Variants in CPXM2 observed in about 807,000 individuals in gnomAD.
CPXM2 encodes the protein inactive carboxypeptidase-like protein X2.
A neutral mutation model predicts 86.1 loss-of-function variants in CPXM2; 66 were observed. The observed-to-expected ratio is 0.77, with a 90% CI of 0.63 to 0.94. CPXM2 has a LOEUF of 0.94. CPXM2 is among the 40% of genes least tolerant of loss of function. The pLI is 0.00. For synonymous variants in CPXM2, 388 were observed against 400.2 expected (o/e 0.97, Z 0.36); for missense variants, 948 against 1,026.3 (o/e 0.92, Z 1.04).
intron 10 of CPXM2, 66 bp from the exon 11 acceptor site, chr10:123,762,235 C>G (rs10794568): frequency 0.87 from 1,397,875 of 1,608,868 alleles, 608,315 homozygotes; most frequent in Admixed American, 0.9. Context: ...AGCTGTCAAA[C>G]AGGGACATAG....
At position 123,768,498 on chromosome 10, in the gene CPXM2, A is replaced by G. The variant is rs1371084055; in HGVS notation, c.1299+28T>C. On this transcript the variant is annotated intron_variant, in intron 9 of 13. Transcript: ENST00000241305. ...GCTGGGGCCTCGCTGCCCATGTCCT[A>G]TTGGGTGAGATGGGCCAGGGCCATT... 17 of 1,588,338 alleles carry G rather than the reference A, an allele frequency of 1.1e-5. 1 individual carries two copies. Among genetic ancestry groups the G allele is most frequent in the African/African-American group, 1.3e-5 (1 of 74,566 alleles).
chr10:123,839,640 G>A (rs1241138061), intron 4 of CPXM2, among the ~76,000 whole-genome samples: 1 of 152,146 alleles, frequency 6.6e-6, no homozygotes, highest in Non-Finnish European at 1.5e-5. Flanking sequence ...GAGCAGTGTG[G>A]GGACAGGTCA....
chr10:123,875,697 C>T (rs898980147), intron 2 of CPXM2, among the ~76,000 whole-genome samples: 2 of 152,122 alleles, frequency 1.3e-5, no homozygotes, highest in African/African-American at 2.4e-5. Context: ...AAACTTCTTC[C>T]AGTCAAGGCA....
intron 5 of CPXM2, among the ~76,000 whole-genome samples, 200 bp downstream of exon 5, chr10:123,798,915 T>C (rs978969055): frequency 2.0e-5 from 3 of 152,190 alleles, no homozygotes; most frequent in Non-Finnish European, 2.9e-5. Context: ...AAGGCTGAAT[T>C]TTACATTAGC....
intron 2 of CPXM2, among the ~76,000 whole-genome samples, chr10:123,924,902 C>G (rs1429930207): frequency 6.6e-6 from 1 of 152,066 alleles, no homozygotes; most frequent in East Asian, 1.9e-4. Flanking sequence ...CAAAATACCC[C>G]TATTAGAACA....
intron 7 of CPXM2, among the ~76,000 whole-genome samples, chr10:123,778,358 C>T (rs968409976): frequency 5.3e-5 from 8 of 152,170 alleles, no homozygotes; most frequent in African/African-American, 1.9e-4. Context: ...AGCCAGGAAT[C>T]CAAATGGCAA....
At chr10:123,895,029 G>T (rs886451119), upstream of CPXM2, among the ~76,000 whole-genome samples, 1 of 151,290 alleles carries the variant, frequency 6.6e-6, no homozygotes, top group East Asian at 1.9e-4. Context: ...TCTAGGTAAG[G>T]TTCAAGGCTC....
intron 2 of CPXM2, among the ~76,000 whole-genome samples, chr10:123,923,559 C>T (rs1476982882): frequency 1.0e-4 from 15 of 149,082 alleles, no homozygotes; most frequent in South Asian, 8.6e-4. Flanking sequence ...CCAGCCTGGG[C>T]GACAGAGCGA....
intron 4 of CPXM2, among the ~76,000 whole-genome samples, chr10:123,832,455 A>G (rs181295296): frequency 5.9e-4 from 90 of 152,324 alleles, no homozygotes; most frequent in African/African-American, 2.0e-3. Flanking sequence ...ACTATGAGGC[A>G]AAGTAGGTGC....
chr10:123,772,542 C>G (rs1185905390), intron 7 of CPXM2, among the ~76,000 whole-genome samples: 1 of 152,034 alleles, frequency 6.6e-6, no homozygotes, highest in African/African-American at 2.4e-5. Context: ...GTGGTCATCA[C>G]CTCCCTGGTC....
chr10:123,820,195 T>A (rs1398170619), intron 4 of CPXM2, among the ~76,000 whole-genome samples: 1 of 152,172 alleles, frequency 6.6e-6, no homozygotes, highest in Non-Finnish European at 1.5e-5. Context: ...TTTTTATATA[T>A]CTGTATTTTC....
chr10:123,779,466 T>C (rs184255352), intron 7 of CPXM2, among the ~76,000 whole-genome samples: 1 of 152,328 alleles, frequency 6.6e-6, no homozygotes, highest in Non-Finnish European at 1.5e-5. Context: ...CTAAGAGCTA[T>C]GAAGCTATTA....
At position 123,891,700 on chromosome 10, in the gene CPXM2, G is replaced by T. The variant is rs946162525; in HGVS notation, c.-41C>A. The T allele has an allele frequency of 2.3e-6, 3 of 1,291,186 alleles. No homozygotes were observed. In the African/African-American group the frequency reaches 4.9e-5, roughly 21 times the overall value. The allele number at this position is 1,291,186 out of a possible 1,614,324, so 80.0% of individuals were successfully genotyped here. A position where few individuals can be genotyped will look rare whatever the true frequency, so the allele number is the denominator to read the frequency against. ...CGCCCAGGGCAGGGTCACGGTCACCGGGGGCGCCGGGCGGGCTGCGGGCGC... is the reference window on the plus strand; with the variant it reads ...CGCCCAGGGCAGGGTCACGGTCACCTGGGGCGCCGGGCGGGCTGCGGGCGC... On this transcript the variant is annotated 5_prime_UTR_variant, in exon 1 of 14. Coordinates refer to ENST00000241305, the MANE Select transcript of CPXM2 (RefSeq NM_198148.3). The surrounding 1 kb of genome is among the most constrained non-coding windows in gnomAD (Gnocchi z 5.6).
At chr10:123,783,752 A>T (rs1055184021) in intron 6 of CPXM2, among the ~76,000 whole-genome samples, 1 of 152,140 alleles carries the variant, frequency 6.6e-6, no homozygotes, top group Non-Finnish European at 1.5e-5. Flanking sequence ...TTTGAGTAGG[A>T]CTTCTGACCT....
intron 6 of CPXM2, among the ~76,000 whole-genome samples, chr10:123,788,263 G>C (rs1441008586): frequency 3.1e-5 from 4 of 129,692 alleles, no homozygotes; most frequent in South Asian, 2.6e-4. Flanking sequence ...CTGGGCGACA[G>C]AGCAAGACCC....
intron 4 of CPXM2, among the ~76,000 whole-genome samples, chr10:123,823,120 A>G (rs1398231363): frequency 1.3e-5 from 2 of 152,206 alleles, no homozygotes; most frequent in Non-Finnish European, 2.9e-5. Flanking sequence ...CAGACGTTCA[A>G]GAAATCTAAA....
intron 10 of CPXM2, among the ~76,000 whole-genome samples, chr10:123,763,554 A>T (rs1846397609): frequency 6.6e-6 from 1 of 151,878 alleles, no homozygotes; most frequent in Non-Finnish European, 1.5e-5. Context: ...ATCTAAAAAA[A>T]AAAAGGCGGG....
chr10:123,817,066 A>AT (rs1847828078), intron 4 of CPXM2, among the ~76,000 whole-genome samples: 2 of 152,222 alleles, frequency 1.3e-5, no homozygotes, highest in Admixed American at 1.3e-4. Flanking sequence ...AAGTTGCTGC[A>AT]TTTGGCCCCT....
chr10:123,851,003 C>G (rs1048997481), intron 3 of CPXM2, among the ~76,000 whole-genome samples: 2 of 152,198 alleles, frequency 1.3e-5, no homozygotes, highest in African/African-American at 4.8e-5. Flanking sequence ...CATCTTTGTC[C>G]ACACTTGATA....
Sources: gnomAD v4.1 joint callset for allele counts (sites outside exome capture counted in the v4.1 genomes callset) on GRCh38, gnomAD v4.1.1 for gene constraint, Gnocchi (gnomAD v3.1) non-coding constraint, MANE v1.5 for transcripts, NCBI Gene and HGNC (gene_info 2026-07-23, HGNC 2026-07-21) for gene names.